Variants in SLC4A4 observed in about 807,000 individuals in gnomAD.
The protein encoded by SLC4A4 is solute carrier family 4 member 4.
In SLC4A4, 27 loss-of-function variants were observed where a neutral mutation model predicts 111.5. The ratio of observed to expected loss-of-function variants is 0.24; its 90% CI spans 0.18 to 0.33. The LOEUF (loss-of-function observed/expected upper bound fraction) is 0.33, where lower values mean the gene tolerates loss of function less well. Ranked by LOEUF, SLC4A4 falls within the 10% of genes least tolerant of loss-of-function variation. The probability of loss-of-function intolerance (pLI) is 1.00; values close to 1 mark genes in which losing one functional copy is unlikely to be tolerated. For missense variants in SLC4A4, 909 were observed against 1,315.5 expected, an observed-to-expected ratio of 0.69 and a Z score of 4.78; for synonymous variants, 443 against 463.4, an observed-to-expected ratio of 0.96 and a Z score of 0.57.
At chr4:71,389,704 C>T (rs897380908) in intron 6 of SLC4A4, among the ~76,000 whole-genome samples, 2 of 152,086 alleles carry the variant, frequency 1.3e-5, no homozygotes, top group African/African-American at 4.8e-5. Flanking sequence ...ATGGACTTTG[C>T]ACAGTAGTGT....
intron 1 of SLC4A4, among the ~76,000 whole-genome samples, chr4:71,198,745 G>A (rs917453358): frequency 1.3e-5 from 2 of 152,172 alleles, no homozygotes; most frequent in Non-Finnish European, 2.9e-5. Context: ...AGGATTGCTT[G>A]AGGCCAGGAG....
At chr4:71,419,089 T>C (rs1722107977) in intron 7 of SLC4A4, among the ~76,000 whole-genome samples, 1 of 152,194 alleles carries the variant, frequency 6.6e-6, no homozygotes, top group Non-Finnish European at 1.5e-5. Context: ...GTGTGAAGTG[T>C]CAGTCTGCCC....
intron 15 of SLC4A4, among the ~76,000 whole-genome samples, chr4:71,496,797 A>G (rs1423390962): frequency 6.6e-6 from 1 of 152,136 alleles, no homozygotes; most frequent in African/African-American, 2.4e-5. Context: ...GTTTGAGGCC[A>G]TGTAACATGG....
chr4:71,461,091 T>C (rs943370630), intron 12 of SLC4A4, among the ~76,000 whole-genome samples: 1 of 152,138 alleles, frequency 6.6e-6, no homozygotes, highest in Non-Finnish European at 1.5e-5. Context: ...CAAAGGCTTA[T>C]CTAGCAAAAT....
At chr4:71,235,505 A>G (rs1036910539) in intron 1 of SLC4A4, among the ~76,000 whole-genome samples, 31 of 152,226 alleles carry the variant, frequency 2.0e-4, no homozygotes, top group African/African-American at 7.0e-4. Flanking sequence ...CTGTCCCCAG[A>G]GAAAGTTCTT....
chr4:71,419,961 C>T (rs1055074391), intron 7 of SLC4A4, among the ~76,000 whole-genome samples: 1 of 152,234 alleles, frequency 6.6e-6, no homozygotes, highest in Non-Finnish European at 1.5e-5. Flanking sequence ...AGCAGTTCCT[C>T]ACCAGCAGTG....
At chr4:71,116,558 G>A (rs1743271878) in intron 2 of SLC4A4, among the ~76,000 whole-genome samples, 1 of 152,202 alleles carries the variant, frequency 6.6e-6, no homozygotes, top group Non-Finnish European at 1.5e-5. Flanking sequence ...AGAAAAAATA[G>A]AGATCAGAAG....
chr4:71,413,319 T>C (rs1046203948), intron 7 of SLC4A4, among the ~76,000 whole-genome samples: 3 of 152,210 alleles, frequency 2.0e-5, no homozygotes, highest in Non-Finnish European at 2.9e-5. Context: ...TTTAATTGTT[T>C]CCCAGCTTAT....
At chr4:71,144,231 A>G (rs1362800934) in intron 2 of SLC4A4, among the ~76,000 whole-genome samples, 3 of 152,090 alleles carry the variant, frequency 2.0e-5, no homozygotes, top group African/African-American at 7.2e-5. Flanking sequence ...TGTTTTTGTC[A>G]TGTTTGTCAA....
chr4:71,090,767 G>C (rs1906020), intron 1 of SLC4A4, among the ~76,000 whole-genome samples: 151,640 of 152,286 alleles, frequency 1, 75,504 homozygotes, highest in Middle Eastern at 1. Context: ...CGAAATTATT[G>C]TGAAACAATT....
At chr4:71,275,347 C>T (rs1722994112) in intron 3 of SLC4A4, among the ~76,000 whole-genome samples, 1 of 152,148 alleles carries the variant, frequency 6.6e-6, no homozygotes, top group African/African-American at 2.4e-5. Flanking sequence ...ATCATTTAAA[C>T]TGAAGATGCA....
At chr4:71,539,699 A>G (rs896152359) in intron 18 of SLC4A4, among the ~76,000 whole-genome samples, 3 of 152,240 alleles carry the variant, frequency 2.0e-5, no homozygotes, top group Non-Finnish European at 2.9e-5. Flanking sequence ...CACAGATCAC[A>G]TATTTCTTTT....
chr4:71,221,833 C>T (rs1279022225), intron 1 of SLC4A4, among the ~76,000 whole-genome samples: 1 of 152,108 alleles, frequency 6.6e-6, no homozygotes, highest in Non-Finnish European at 1.5e-5. Flanking sequence ...GGCTCTGAAC[C>T]CTCGGGATGA....
chr4:71,153,029 G>A (rs1448676766), intron 2 of SLC4A4, among the ~76,000 whole-genome samples: 3 of 132,184 alleles, frequency 2.3e-5, no homozygotes, highest in African/African-American at 9.8e-5. Context: ...AAATATATGT[G>A]TGTGTATATA....
intron 6 of SLC4A4, among the ~76,000 whole-genome samples, chr4:71,389,458 T>C (rs1055695664): frequency 7.2e-5 from 11 of 152,338 alleles, no homozygotes; most frequent in African/African-American, 2.6e-4. Context: ...CCTTACACTC[T>C]GCCTTATTTC....
At chr4:71,119,590 T>C (rs953365424) in intron 2 of SLC4A4, among the ~76,000 whole-genome samples, 1 of 152,190 alleles carries the variant, frequency 6.6e-6, no homozygotes, top group African/African-American at 2.4e-5. Context: ...GATCTTGCTA[T>C]GTTATCCAGG....
chr4:71,170,471 A>T (rs1451871500), intron 2 of SLC4A4, among the ~76,000 whole-genome samples: 1 of 152,230 alleles, frequency 6.6e-6, no homozygotes, highest in Non-Finnish European at 1.5e-5. Flanking sequence ...TGACTTTTAC[A>T]TGACTAGTCA....
chr4:71,501,256 T>C (rs1258672349), intron 16 of SLC4A4, among the ~76,000 whole-genome samples: 4 of 152,330 alleles, frequency 2.6e-5, no homozygotes, highest in African/African-American at 7.2e-5. Context: ...GATAGGTTGT[T>C]GTTGGTCTAT....
chr4:71,176,651 C>G (rs575736134), intron 2 of SLC4A4, among the ~76,000 whole-genome samples: 104 of 152,252 alleles, frequency 6.8e-4, no homozygotes, highest in African/African-American at 2.4e-3. Flanking sequence ...AAGAAATGAA[C>G]AAAGCCTCCA....
Sources: allele counts gnomAD v4.1 joint callset (sites outside exome capture counted in the v4.1 genomes callset), GRCh38; gene constraint gnomAD v4.1.1; transcripts MANE v1.5; gene names NCBI Gene and HGNC (gene_info 2026-07-23, HGNC 2026-07-21).